The following TBL1X variants were observed in gnomAD, a reference collection of about 807,000 sequenced individuals.
The protein encoded by TBL1X is F-box-like/WD repeat-containing protein TBL1X.
Under a neutral mutation model 50.7 loss-of-function variants are expected in TBL1X, and 10 were observed. The ratio of observed to expected loss-of-function variants is 0.20; its 90% CI spans 0.12 to 0.33. The LOEUF is 0.33. Among genes scored for constraint, TBL1X ranks in the 10% least tolerant of loss-of-function variants. TBL1X has a pLI of 1.00. For missense variants in TBL1X, 340 were observed against 504.4 expected, an observed-to-expected ratio of 0.67 and a Z score of 3.12; for synonymous variants, 190 against 214.7, an observed-to-expected ratio of 0.88 and a Z score of 1.01.
intron 2 of TBL1X, among the ~76,000 whole-genome samples, chrX:9,507,045 C>G (rs1248055847): frequency 1.8e-5 from 2 of 112,066 alleles, no homozygotes; most frequent in Non-Finnish European, 3.8e-5. Flanking sequence ...CAAGGATGCC[C>G]TCTCTCACCA....
chrX:9,486,595 C>T (rs1262693362), intron 1 of TBL1X, among the ~76,000 whole-genome samples: 1 of 107,554 alleles, frequency 9.3e-6, no homozygotes, highest in Non-Finnish European at 1.9e-5. Context: ...ACACACCCCC[C>T]CCCCACGCCC....
intron 2 of TBL1X, among the ~76,000 whole-genome samples, chrX:9,521,484 T>C (rs1211167078): frequency 9.0e-6 from 1 of 111,710 alleles, no homozygotes; most frequent in African/African-American, 3.3e-5. Context: ...TAGCCTCATT[T>C]AGTGTACTTG....
intron 2 of TBL1X, among the ~76,000 whole-genome samples, chrX:9,569,276 C>T (rs1232793172): frequency 1.1e-5 from 1 of 93,792 alleles, no homozygotes; most frequent in Non-Finnish European, 2.1e-5. Context: ...GTGTGTCTAT[C>T]TGTGCAGTAT....
intron 2 of TBL1X, among the ~76,000 whole-genome samples, chrX:9,569,546 A>G (rs2082374308): frequency 8.9e-6 from 1 of 111,880 alleles, no homozygotes; most frequent in East Asian, 2.8e-4. Context: ...GCTGGGCCCG[A>G]TGACTTAGGC....
chrX:9,645,838 A>T (rs1204553590), intron 3 of TBL1X, among the ~76,000 whole-genome samples: 1 of 111,766 alleles, frequency 8.9e-6, no homozygotes, highest in Non-Finnish European at 1.9e-5. Context: ...TCAAACTGTA[A>T]CCTTGTTGGC....
intron 2 of TBL1X, among the ~76,000 whole-genome samples, chrX:9,519,363 A>G (rs1311961732): frequency 9.0e-6 from 1 of 111,242 alleles, no homozygotes; most frequent in African/African-American, 3.3e-5. Context: ...CTCCCACTGC[A>G]TTGTCCCAAA....
chrX:9,617,846 A>G lies in TBL1X; in HGVS notation c.-130-22427A>G, dbSNP rs184478840. Among the ~76,000 whole-genome samples, 37 of 112,034 alleles carry G rather than the reference A, an allele frequency of 3.3e-4. No individual in the cohort carries two copies. In the East Asian group the frequency reaches 0.01, roughly 32 times the overall value. The stretch of plus-strand genomic sequence containing the variant: ...GAAAGTGAAAACTGAGTTTGAGGGA[A>G]CAGTCACATTCTCATGGCAATAAGG... On this transcript the variant is annotated intron_variant, in intron 2 of 17. Transcript: ENST00000645353.
rs772623386 is a variant in TBL1X, at chrX:9,542,542, T to C, written c.-131+40693T>C. Among the ~76,000 whole-genome samples, 3 of 111,996 alleles carry C rather than the reference T, an allele frequency of 2.7e-5. No individual in the cohort carries two copies. The East Asian group carries it at 8.5e-4, about 32-fold the overall frequency. Reference sequence around the variant, plus strand: ...GTCTTGTCTTTGGAAATTTTCATCATGACCTGAGCTTGTGAACACTCTGCC... The same window carrying C: ...GTCTTGTCTTTGGAAATTTTCATCACGACCTGAGCTTGTGAACACTCTGCC... On this transcript the variant is annotated intron_variant, in intron 2 of 17. Coordinates refer to ENST00000645353, the MANE Select transcript of TBL1X (RefSeq NM_005647.4).
At chrX:9,566,718 T>G (rs1367525440) in intron 2 of TBL1X, among the ~76,000 whole-genome samples, 1 of 105,097 alleles carries the variant, frequency 9.5e-6, no homozygotes, top group African/African-American at 3.5e-5. Context: ...ACCCTTTGGA[T>G]GCATTCCAGT....
intron 2 of TBL1X, among the ~76,000 whole-genome samples, chrX:9,626,596 G>T (rs1210043000): frequency 8.9e-6 from 1 of 112,390 alleles, no homozygotes; most frequent in Non-Finnish European, 1.9e-5. Flanking sequence ...TCTTGGTCTT[G>T]CTTCAAGTGA....
intron 2 of TBL1X, chrX:9,636,753 A>T (rs1394886240): frequency 8.0e-5 from 9 of 112,508 alleles, no homozygotes; most frequent in African/African-American, 2.9e-4. Context: ...AGTGCTTTAG[A>T]TTATTATTTC....
At chrX:9,510,708 G>A (rs995625184) in intron 2 of TBL1X, among the ~76,000 whole-genome samples, 2 of 112,340 alleles carry the variant, frequency 1.8e-5, no homozygotes, top group African/African-American at 3.2e-5. Context: ...TTTGAGTAAG[G>A]CAGATGACTT....
At chrX:9,563,237 C>T (rs746671620) in intron 2 of TBL1X, among the ~76,000 whole-genome samples, 2 of 112,600 alleles carry the variant, frequency 1.8e-5, no homozygotes, top group East Asian at 2.8e-4. Flanking sequence ...GTTACTGTTC[C>T]GTGAGGAACC....
At chrX:9,689,504 CA>C (rs1473435649) in intron 7 of TBL1X, among the ~76,000 whole-genome samples, 1 of 111,915 alleles carries the variant, frequency 8.9e-6, no homozygotes, top group Non-Finnish European at 1.9e-5. Context: ...TGATAAGGTC[CA>C]CAATTGTGGG....
At chrX:9,536,729 T>TC (rs2082189770) in intron 2 of TBL1X, among the ~76,000 whole-genome samples, 1 of 111,879 alleles carries the variant, frequency 8.9e-6, no homozygotes, top group Non-Finnish European at 1.9e-5. Context: ...TAGACGCATG[T>TC]TACTCTTAAA....
At chrX:9,526,662 C>G (rs148060198) in intron 2 of TBL1X, among the ~76,000 whole-genome samples, 233 of 112,344 alleles carry the variant, frequency 2.1e-3, no homozygotes, top group African/African-American at 7.3e-3. Flanking sequence ...ACCTCTGCAA[C>G]TCAGCCACAT....
intron 2 of TBL1X, among the ~76,000 whole-genome samples, chrX:9,554,735 A>T (rs1301949026): frequency 8.9e-6 from 1 of 112,408 alleles, no homozygotes; most frequent in East Asian, 2.8e-4. Flanking sequence ...CTTTTTTAAA[A>T]AACAGCTTTA....
chrX:9,645,561 C>T (rs2082799980), intron 3 of TBL1X, among the ~76,000 whole-genome samples: 1 of 111,923 alleles, frequency 8.9e-6, no homozygotes, highest in Admixed American at 9.5e-5. Context: ...GGAGGCGTCA[C>T]TGCTCGGCAT....
intron 2 of TBL1X, among the ~76,000 whole-genome samples, chrX:9,555,390 G>A (rs189078628): frequency 9.0e-4 from 100 of 111,555 alleles, no homozygotes; most frequent in Non-Finnish European, 1.6e-3. Context: ...GTTTTTTATT[G>A]TTAGATAATA....
Sources: allele counts gnomAD v4.1 joint callset (sites outside exome capture counted in the v4.1 genomes callset), GRCh38; gene constraint gnomAD v4.1.1; transcripts MANE v1.5; gene names NCBI Gene and HGNC (gene_info 2026-07-23, HGNC 2026-07-21).